Variants in ADAMTSL1 observed in about 807,000 individuals in gnomAD.
ADAMTSL1 encodes the protein ADAMTS like 1, also known as ADAMTS-like protein 1.
ADAMTSL1 carries 126 observed loss-of-function variants against 201.8 expected under a neutral mutation model. The ratio of observed to expected loss-of-function variants is 0.62; its 90% confidence interval spans 0.54 to 0.72. ADAMTSL1 has a LOEUF of 0.72. Ranked by LOEUF, ADAMTSL1 falls within the 30% of genes least tolerant of loss-of-function variation. The pLI is 0.00. For synonymous variants in ADAMTSL1, 1,121 were observed against 903.4 expected (o/e 1.24, Z -4.32); for missense variants, 2,679 against 2,277.8 (o/e 1.18, Z -3.59).
chr9:17,983,190 C>G (rs1328418978), intron 1 of ADAMTSL1, among the ~76,000 whole-genome samples: 1 of 151,730 alleles, frequency 6.6e-6, no homozygotes, highest in Non-Finnish European at 1.5e-5. Context: ...CCTGCCTCAG[C>G]CTCCCGAGCA....
chr9:18,609,107 A>G (rs1213414786), intron 4 of ADAMTSL1, among the ~76,000 whole-genome samples: 1 of 152,172 alleles, frequency 6.6e-6, no homozygotes, highest in African/African-American at 2.4e-5. Context: ...CTTAGGTTTT[A>G]GAAGAATGAC....
intron 2 of ADAMTSL1, among the ~76,000 whole-genome samples, chr9:18,215,282 C>A (rs1944766): frequency 0.6 from 91,482 of 151,910 alleles, 27,631 homozygotes; most frequent in Middle Eastern, 0.66. Context: ...ATTGAAAATA[C>A]TGAAAATAAT....
At chr9:18,182,087 A>G (rs1828506803) in intron 2 of ADAMTSL1, among the ~76,000 whole-genome samples, 1 of 143,454 alleles carries the variant, frequency 7.0e-6, no homozygotes, top group Admixed American at 7.2e-5. Context: ...GAATTGAGCT[A>G]TGAGAACTCA....
At chr9:18,846,117 A>G (rs1309265692) in intron 23 of ADAMTSL1, among the ~76,000 whole-genome samples, 10 of 152,222 alleles carry the variant, frequency 6.6e-5, no homozygotes, top group Non-Finnish European at 8.8e-5. Context: ...CATTTATTCA[A>G]AAAGAAGTAT....
chr9:18,302,212 C>A (rs968701499), intron 2 of ADAMTSL1, among the ~76,000 whole-genome samples: 1 of 152,072 alleles, frequency 6.6e-6, no homozygotes, highest in Non-Finnish European at 1.5e-5. Context: ...AGAGGGAACT[C>A]CCCCTGCTGA....
chr9:18,260,437 A>G (rs1014378471), intron 2 of ADAMTSL1, among the ~76,000 whole-genome samples: 2 of 152,228 alleles, frequency 1.3e-5, no homozygotes, highest in Non-Finnish European at 2.9e-5. Flanking sequence ...TTTCAGCAAT[A>G]TGGCACCCAG....
chr9:17,967,959 A>G (rs1818046005), intron 1 of ADAMTSL1, among the ~76,000 whole-genome samples: 1 of 152,114 alleles, frequency 6.6e-6, no homozygotes, highest in East Asian at 1.9e-4. Flanking sequence ...CTCACTGACC[A>G]CTTGTGAACT....
chr9:18,092,564 G>A (rs1824076289), intron 1 of ADAMTSL1, among the ~76,000 whole-genome samples: 1 of 152,090 alleles, frequency 6.6e-6, no homozygotes, highest in Non-Finnish European at 1.5e-5. Flanking sequence ...AGTGATACAG[G>A]AATAAGCTCT....
At chr9:18,282,557 A>G (rs540094824) in intron 2 of ADAMTSL1, among the ~76,000 whole-genome samples, 1 of 152,324 alleles carries the variant, frequency 6.6e-6, no homozygotes, top group Admixed American at 6.5e-5. Flanking sequence ...GGCTTGCTTT[A>G]TGGCTTAGAA....
chr9:18,705,929 G>T (rs768653054), intron 13 of ADAMTSL1, among the ~76,000 whole-genome samples: 1 of 152,164 alleles, frequency 6.6e-6, no homozygotes, highest in Non-Finnish European at 1.5e-5. Context: ...CAAAACTGAG[G>T]TCCAGCCTGG....
chr9:18,400,261 C>G (rs535218093), intron 2 of ADAMTSL1, among the ~76,000 whole-genome samples: 8 of 152,130 alleles, frequency 5.3e-5, no homozygotes, highest in Non-Finnish European at 7.4e-5. Flanking sequence ...ACCATATACT[C>G]TGATCACCCT....
chr9:18,371,874 G>GAA (rs1837056614), intron 2 of ADAMTSL1, among the ~76,000 whole-genome samples: 1 of 152,186 alleles, frequency 6.6e-6, no homozygotes, highest in African/African-American at 2.4e-5. Flanking sequence ...TTCCCTACAA[G>GAA]GGCTCTGGGC....
intron 23 of ADAMTSL1, among the ~76,000 whole-genome samples, chr9:18,841,307 G>C (rs1438312009): frequency 2.6e-5 from 4 of 151,892 alleles, no homozygotes; most frequent in Admixed American, 2.6e-4. Flanking sequence ...TGTGGTTTTT[G>C]TCTTTGGTTC....
At chr9:18,641,597 GA>G (rs1176538082) in intron 7 of ADAMTSL1, among the ~76,000 whole-genome samples, 2 of 151,870 alleles carry the variant, frequency 1.3e-5, no homozygotes, top group African/African-American at 4.8e-5. Flanking sequence ...AAAACACTGG[GA>G]ATCAAATAAA....
chr9:18,829,971 C>G lies in ADAMTSL1; in HGVS notation c.4243C>G (p.Leu1415Val). The change falls in exon 23 of 29, where the codon CTC (leucine) becomes GTC (valine). Residue 1415 changes from leucine (L) to valine (V), a missense_variant. Coordinates refer to ENST00000380548, the MANE Select transcript of ADAMTSL1 (RefSeq NM_001040272.6). ...GGTCCTGGATCCTGGGAATTCTGCT[C>G]TCCTTGGTGAGTCTAACCCTCGGAA... ...QLVLDPGNSALLGCPIKGHPV... is the reference protein window; with the variant it reads ...QLVLDPGNSAVLGCPIKGHPV... 1 of 1,609,910 alleles carries G rather than the reference C, an allele frequency of 6.2e-7. No homozygotes were observed. Among genetic ancestry groups the G allele is most frequent in the Non-Finnish European group, 8.5e-7 (1 of 1,178,182 alleles).
intron 2 of ADAMTSL1, among the ~76,000 whole-genome samples, chr9:18,183,350 C>T (rs1444814387): frequency 6.6e-6 from 1 of 152,148 alleles, no homozygotes; most frequent in Non-Finnish European, 1.5e-5. Context: ...ACACCAAAGG[C>T]ATGATTCACG....
intron 1 of ADAMTSL1, among the ~76,000 whole-genome samples, chr9:18,476,472 A>T (rs959590522): frequency 1.3e-5 from 2 of 152,130 alleles, no homozygotes; most frequent in African/African-American, 2.4e-5. Flanking sequence ...TTGATCATTA[A>T]AGATATGTAC....
intron 15 of ADAMTSL1, among the ~76,000 whole-genome samples, chr9:18,732,240 A>G (rs942982794): frequency 6.6e-6 from 1 of 152,090 alleles, no homozygotes; most frequent in Non-Finnish European, 1.5e-5. Flanking sequence ...TTCTTAACCC[A>G]CTAGTATGGG....
At chr9:18,683,702 G>GC (rs1830658481) in intron 12 of ADAMTSL1, among the ~76,000 whole-genome samples, 1 of 152,128 alleles carries the variant, frequency 6.6e-6, no homozygotes, top group Admixed American at 6.5e-5. Context: ...AAGAAGTGAT[G>GC]CCCCTAACTT....
Sources: gnomAD v4.1 joint callset for allele counts (sites outside exome capture counted in the v4.1 genomes callset) on GRCh38, gnomAD v4.1.1 for gene constraint, MANE v1.5 for transcripts, NCBI Gene and HGNC (gene_info 2026-07-23, HGNC 2026-07-21) for gene names.